The following CENPL variants were observed in gnomAD, a reference collection of about 807,000 sequenced individuals.
CENPL encodes centromere protein L.
A neutral mutation model predicts 35.2 loss-of-function variants in CENPL; 20 were observed. The ratio of observed to expected loss-of-function variants is 0.57; its 90% CI spans 0.40 to 0.83. The LOEUF (loss-of-function observed/expected upper bound fraction) is 0.83. CENPL is among the 40% of genes least tolerant of loss of function. The pLI, the probability that CENPL is intolerant of heterozygous loss-of-function variation, is 0.00. For missense variants in CENPL, 363 were observed against 395.8 expected (o/e 0.92, Z 0.70); for synonymous variants, 140 against 140.6 (o/e 1.00, Z 0.03).
intron 2 of CENPL, among the ~76,000 whole-genome samples, chr1:173,813,722 C>T (rs182662474): frequency 7.2e-5 from 11 of 152,196 alleles, no homozygotes; most frequent in East Asian, 1.9e-4. Context: ...TGCAAAAACA[C>T]GCGAAATTGT....
At chr1:173,817,329 C>G (rs1306141216) in intron 2 of CENPL, among the ~76,000 whole-genome samples, 2 of 152,044 alleles carry the variant, frequency 1.3e-5, no homozygotes, top group South Asian at 2.1e-4. Context: ...ACAACCCCAT[C>G]AAAAAGTGGG....
At chr1:173,821,013 G>A (rs907033156) in intron 2 of CENPL, among the ~76,000 whole-genome samples, 3 of 152,122 alleles carry the variant, frequency 2.0e-5, no homozygotes, top group Admixed American at 6.5e-5. Flanking sequence ...AATTTAAATA[G>A]CAGCTATTCT....
chr1:173,808,687 T>C, intron 3 of CENPL: 1 of 150,952 alleles, frequency 6.6e-6, no homozygotes, highest in East Asian at 1.9e-4. Flanking sequence ...ACAGGTACGA[T>C]TAAAAACAAA....
chr1:173,819,761 G>A (rs375440086), intron 2 of CENPL, among the ~76,000 whole-genome samples: 2 of 151,910 alleles, frequency 1.3e-5, no homozygotes, highest in African/African-American at 2.4e-5. Flanking sequence ...GCGCGATCTC[G>A]GCTCACTGCA....
At chr1:173,813,725 G>A (rs1045410646) in intron 2 of CENPL, among the ~76,000 whole-genome samples, 4 of 152,068 alleles carry the variant, frequency 2.6e-5, no homozygotes, top group East Asian at 1.9e-4. Context: ...AAAAACACGC[G>A]AAATTGTAAA....
In CENPL at chr1:173,800,445, G is replaced by A. The variant is rs1649639225; in HGVS notation, c.*3C>T. ...ATCTATAACTTATAGTCCACATAAGGCTTCACTCAATTTGAAAAATTGCCA... is the reference window on the plus strand; with the variant it reads ...ATCTATAACTTATAGTCCACATAAGACTTCACTCAATTTGAAAAATTGCCA... On this transcript the variant is annotated 3_prime_UTR_variant, in exon 6 of 6. Transcript: ENST00000682279. 1 of 1,231,020 alleles carries A rather than the reference G, an allele frequency of 8.1e-7. No homozygotes were observed. The highest frequency in any genetic ancestry group is 1.2e-6 in the Non-Finnish European group (1 of 832,952). 76.3% of individuals were successfully genotyped at this position (1,231,020 alleles called of 1,614,324 possible). A position where few individuals can be genotyped will look rare whatever the true frequency, so the allele number is the denominator to read the frequency against.
chr1:173,812,697 G>A (rs182024831), intron 2 of CENPL, among the ~76,000 whole-genome samples: 1 of 152,326 alleles, frequency 6.6e-6, no homozygotes, highest in East Asian at 1.9e-4. Flanking sequence ...ACCAAAGGTA[G>A]ATAAAACCAC....
At chr1:173,817,971 A>C (rs1651572943) in intron 2 of CENPL, among the ~76,000 whole-genome samples, 1 of 152,242 alleles carries the variant, frequency 6.6e-6, no homozygotes. Flanking sequence ...AATTGGACAC[A>C]GGGCGGGGAA....
chr1:173,818,855 C>T (rs368403977), intron 2 of CENPL, among the ~76,000 whole-genome samples: 2 of 152,176 alleles, frequency 1.3e-5, no homozygotes, highest in East Asian at 1.9e-4. Flanking sequence ...TTATATTTCT[C>T]TTGTATAATT....
intron 2 of CENPL, among the ~76,000 whole-genome samples, chr1:173,816,910 C>T (rs1057358781): frequency 1.3e-5 from 2 of 152,050 alleles, no homozygotes; most frequent in African/African-American, 4.8e-5. Context: ...GATGCTGAGG[C>T]GGGTGGATCA....
At chr1:173,810,151 A>G (rs764520479) in intron 3 of CENPL, among the ~76,000 whole-genome samples, 1 of 152,266 alleles carries the variant, frequency 6.6e-6, no homozygotes, top group Non-Finnish European at 1.5e-5. Context: ...AAAATGTGGT[A>G]CATATACACC....
At chr1:173,802,937 T>C (rs759446498) in intron 5 of CENPL, 26 bp downstream of exon 5, 1 of 1,491,096 alleles carries the variant, frequency 6.7e-7, no homozygotes, top group East Asian at 2.3e-5. Context: ...AAGGAAAAAT[T>C]ACTTAACTAG....
At chr1:173,821,448 C>A (rs1378722855) in intron 2 of CENPL, among the ~76,000 whole-genome samples, 1 of 152,004 alleles carries the variant, frequency 6.6e-6, no homozygotes, top group Admixed American at 6.6e-5. Context: ...TGCTATGAAT[C>A]CCAAAAAGAT....
chr1:173,810,591 G>A (rs956730397), intron 3 of CENPL, among the ~76,000 whole-genome samples: 5 of 152,116 alleles, frequency 3.3e-5, no homozygotes, highest in East Asian at 1.9e-4. Context: ...AAAACTCCTC[G>A]TATATATGGG....
intron 2 of CENPL, among the ~76,000 whole-genome samples, chr1:173,812,583 C>T (rs1042518174): frequency 6.6e-6 from 1 of 152,182 alleles, no homozygotes; most frequent in African/African-American, 2.4e-5. Flanking sequence ...AGTCTAGGGA[C>T]CTGACTGACA....
Position 173,800,193 on chromosome 1 carries a change from A to G in CENPL, c.*255T>C. On this transcript the variant is annotated 3_prime_UTR_variant, in exon 6 of 6. Coordinates refer to ENST00000682279, the MANE Select transcript of CENPL (RefSeq NM_001387287.1). Reference sequence around the variant, plus strand: ...TATATTTAAAGATGACAAGAAATTAACAACTCAGCATTTTGAGAATGGCAT... The same window carrying G: ...TATATTTAAAGATGACAAGAAATTAGCAACTCAGCATTTTGAGAATGGCAT... 1 of 270,042 alleles carries G rather than the reference A, an allele frequency of 3.7e-6. No homozygotes were observed. Among genetic ancestry groups the G allele is most frequent in the Non-Finnish European group, 7.1e-6 (1 of 141,540 alleles). The allele number at this position is 270,042 out of a possible 1,614,324, so 16.7% of individuals were successfully genotyped here.
intron 3 of CENPL, among the ~76,000 whole-genome samples, chr1:173,808,064 CA>C (rs1260507299): frequency 6.6e-6 from 1 of 151,998 alleles, no homozygotes; most frequent in African/African-American, 2.4e-5. Context: ...CTATAGATTT[CA>C]AAAGTAGTAA....
At chr1:173,821,890 C>T (rs1437278541) in intron 2 of CENPL, 1 of 149,998 alleles carries the variant, frequency 6.7e-6, no homozygotes, top group Non-Finnish European at 1.5e-5. Context: ...ACTGCAGCCT[C>T]CACCTGCTGG....
chr1:173,807,282 T>G lies in CENPL; in HGVS notation c.405A>C (p.Glu135Asp). 6.2e-7 allele frequency: 1 copy of G among 1,607,628 alleles called. No homozygotes were observed. The change falls in exon 4 of 6, where the codon GAA becomes GAC. Residue 135 changes from glutamate (E) to aspartate (D), a missense_variant. Transcript: ENST00000682279. ...TGTATTATACCTGGACAAGAAATGC[T>G]TCCGGGTCCCTTTGTGTTCCTTTCA... ...LGMKGTQRDP[E>D]AFLVQIVSKS...
Sources: allele counts gnomAD v4.1 joint callset (sites outside exome capture counted in the v4.1 genomes callset), GRCh38; gene constraint gnomAD v4.1.1; transcripts MANE v1.5; gene names NCBI Gene and HGNC (gene_info 2026-07-23, HGNC 2026-07-21).